The following RBFOX1 variants were observed in gnomAD, a reference collection of about 807,000 sequenced individuals.
RBFOX1 encodes the protein RNA binding fox-1 homolog 1, also known as RNA binding protein fox-1 homolog 1.
RBFOX1 carries 8 observed loss-of-function variants against 57.7 expected under a neutral mutation model. The ratio of observed to expected loss-of-function variants is 0.14; its 90% CI spans 0.08 to 0.25. The LOEUF (loss-of-function observed/expected upper bound fraction) is 0.25, where lower values mean the gene tolerates loss of function less well. Among genes scored for constraint, RBFOX1 ranks in the 10% least tolerant of loss-of-function variants. The pLI is 1.00. For missense variants in RBFOX1, 611 were observed against 548.5 expected, an observed-to-expected ratio of 1.11 and a Z score of -1.14; for synonymous variants, 326 against 222.4, an observed-to-expected ratio of 1.47 and a Z score of -4.15.
At chr16:6,967,897 C>G (rs938330976) in intron 3 of RBFOX1, among the ~76,000 whole-genome samples, 1 of 152,164 alleles carries the variant, frequency 6.6e-6, no homozygotes, top group Non-Finnish European at 1.5e-5. Flanking sequence ...TGCCCCAAAT[C>G]ACTGCTCCAA....
chr16:6,177,544 A>G (rs1018152731), intron 1 of RBFOX1, among the ~76,000 whole-genome samples: 1 of 152,154 alleles, frequency 6.6e-6, no homozygotes, highest in African/African-American at 2.4e-5. Flanking sequence ...GCCTTTATAG[A>G]ATCATGTCAG....
intron 3 of RBFOX1, among the ~76,000 whole-genome samples, chr16:5,699,136 T>C (rs2050945616): frequency 6.6e-6 from 1 of 151,920 alleles, no homozygotes; most frequent in Non-Finnish European, 1.5e-5. Flanking sequence ...TATAGGTGCA[T>C]GCCACCACAC....
In RBFOX1 at chr16:7,585,679, T is replaced by C. The variant is rs185000306; in HGVS notation, c.415-1568T>C. The stretch of plus-strand genomic sequence containing the variant: ...CTATTTTTATTTCAAGATTGGGCTG[T>C]CTGTATTCAAGTGGCATATACATTT... On this transcript the variant is annotated intron_variant, in intron 6 of 15. Coordinates refer to ENST00000550418, the MANE Select transcript of RBFOX1 (RefSeq NM_018723.4). 2.5e-3 allele frequency among the ~76,000 whole-genome samples: 376 copies of C among 152,346 alleles called. 2 individuals carry two copies. The highest frequency in any genetic ancestry group is 8.8e-3 in the African/African-American group (367 of 41,584).
chr16:7,639,784 A>G (rs2062451062), intron 11 of RBFOX1, among the ~76,000 whole-genome samples: 1 of 152,084 alleles, frequency 6.6e-6, no homozygotes, highest in Non-Finnish European at 1.5e-5. Context: ...TTTGCTACTG[A>G]GACCCTATTT....
intron 4 of RBFOX1, among the ~76,000 whole-genome samples, chr16:7,155,740 C>CATATATAT (rs1176472131): frequency 6.0e-5 from 6 of 99,586 alleles, no homozygotes; most frequent in African/African-American, 3.0e-4. Context: ...TATATATATA[C>CATATATAT]ACACACACAC....
intron 3 of RBFOX1, among the ~76,000 whole-genome samples, chr16:5,850,960 C>T (rs769557813): frequency 5.3e-5 from 8 of 152,202 alleles, no homozygotes; most frequent in Non-Finnish European, 1.0e-4. Flanking sequence ...CTGCTGCGTT[C>T]CCGGAGGCTC....
At chr16:5,638,103 G>A (rs1042412354) in intron 3 of RBFOX1, among the ~76,000 whole-genome samples, 4 of 152,202 alleles carry the variant, frequency 2.6e-5, no homozygotes, top group Admixed American at 6.5e-5. Flanking sequence ...ATATTACAGA[G>A]AAGTTCCCAT....
At chr16:5,554,392 TAAA>T (rs1321541298) in intron 2 of RBFOX1, among the ~76,000 whole-genome samples, 1 of 152,090 alleles carries the variant, frequency 6.6e-6, no homozygotes, top group African/African-American at 2.4e-5. Flanking sequence ...GTTTTAAAAA[TAAA>T]AAAATTAAAA....
In RBFOX1 at chr16:7,662,060, C is replaced by T. The variant is rs571972756; in HGVS notation, c.891-2869C>T. On this transcript the variant is annotated intron_variant, in intron 12 of 15. Transcript: ENST00000550418. ...AGGGATCAGTTTCTTGGCCAGAGCT[C>T]AGCCTCAGCCATATCAAAGAACCCC... 3.7e-4 allele frequency among the ~76,000 whole-genome samples: 57 copies of T among 152,306 alleles called. 1 individual carries two copies. The highest frequency in any genetic ancestry group is 1.2e-3 in the African/African-American group (49 of 41,566).
chr16:5,680,861 C>T (rs1025906296), intron 3 of RBFOX1, among the ~76,000 whole-genome samples: 34 of 151,672 alleles, frequency 2.2e-4, no homozygotes, highest in East Asian at 7.8e-4. Context: ...ATGAACAAGA[C>T]GTGCAAGTTC....
At chr16:5,334,668 A>G (rs12919198) in intron 1 of RBFOX1, among the ~76,000 whole-genome samples, 1 of 152,090 alleles carries the variant, frequency 6.6e-6, no homozygotes, top group African/African-American at 2.4e-5. Context: ...TCACATGTGC[A>G]CATATATAAT....
intron 14 of RBFOX1, among the ~76,000 whole-genome samples, chr16:7,677,069 G>T (rs1351399738): frequency 2.0e-5 from 3 of 148,894 alleles, no homozygotes. Flanking sequence ...TGATAGCCTT[G>T]GTCCTTGTGT....
At chr16:6,303,617 G>C (rs1205314782) in intron 1 of RBFOX1, among the ~76,000 whole-genome samples, 3 of 151,694 alleles carry the variant, frequency 2.0e-5, no homozygotes, top group African/African-American at 7.3e-5. Flanking sequence ...GTGTATTGTT[G>C]ACACATTAAT....
chr16:6,048,232 G>T (rs113770998), intron 1 of RBFOX1, among the ~76,000 whole-genome samples: 2 of 152,314 alleles, frequency 1.3e-5, no homozygotes, highest in African/African-American at 4.8e-5. Flanking sequence ...GGGTCAGGCA[G>T]TTCAGCTTGG....
intron 1 of RBFOX1, among the ~76,000 whole-genome samples, chr16:6,173,638 C>A (rs2152771338): frequency 9.9e-6 from 1 of 101,058 alleles, no homozygotes; most frequent in South Asian, 3.4e-4. Context: ...GAGATAGAGT[C>A]TCATTCTGTC....
At chr16:7,516,240 C>T (rs1321621379) in intron 4 of RBFOX1, among the ~76,000 whole-genome samples, 1 of 152,104 alleles carries the variant, frequency 6.6e-6, no homozygotes, top group Non-Finnish European at 1.5e-5. Flanking sequence ...ACAGCAAAAT[C>T]CCAGGGTGAC....
At chr16:7,707,706 C>A (rs2082933000) in intron 14 of RBFOX1, among the ~76,000 whole-genome samples, 1 of 152,102 alleles carries the variant, frequency 6.6e-6, no homozygotes, top group Non-Finnish European at 1.5e-5. Flanking sequence ...ACAGCTAATG[C>A]CGAAAACTTA....
intron 4 of RBFOX1, among the ~76,000 whole-genome samples, chr16:7,362,951 C>T (rs1429883252): frequency 6.6e-6 from 1 of 152,148 alleles, no homozygotes; most frequent in Admixed American, 6.6e-5. Flanking sequence ...GGACAAGTCA[C>T]TTAGCCTCTC....
rs1257582432 is a variant in RBFOX1, at chr16:7,069,783, C to T, written c.27+17685C>T. On this transcript the variant is annotated intron_variant, in intron 4 of 15. Transcript: ENST00000550418. ...TTAAGCCCCAGTTGCCCATAGTGGG[C>T]ACTTGCTCGTTAACAAAAATTGTGT... 4.6e-5 allele frequency among the ~76,000 whole-genome samples: 7 copies of T among 152,128 alleles called. No homozygotes were observed. The East Asian group carries it at 1.2e-3, about 25-fold the overall frequency.
Sources: gnomAD v4.1 joint callset for allele counts (sites outside exome capture counted in the v4.1 genomes callset) on GRCh38, gnomAD v4.1.1 for gene constraint, MANE v1.5 for transcripts, NCBI Gene and HGNC (gene_info 2026-07-23, HGNC 2026-07-21) for gene names.